The following ANO2 variants were observed in gnomAD, a reference collection of about 807,000 sequenced individuals.
ANO2 encodes the protein anoctamin 2.
ANO2 carries 101 observed loss-of-function variants against 124.2 expected under a neutral mutation model. That is an observed-to-expected ratio of 0.81 (90% CI 0.69 to 0.96). The LOEUF (loss-of-function observed/expected upper bound fraction) is 0.96, where lower values mean the gene tolerates loss of function less well. Ranked by LOEUF, ANO2 falls within the 40% of genes least tolerant of loss-of-function variation. The pLI is 0.00. For missense variants in ANO2, 1,293 were observed against 1,274.5 expected (o/e 1.01, Z -0.22); for synonymous variants, 486 against 482.5 (o/e 1.01, Z -0.09).
chr12:5,855,915 T>C (rs1323360667), intron 3 of ANO2, among the ~76,000 whole-genome samples: 1 of 152,186 alleles, frequency 6.6e-6, no homozygotes, highest in Non-Finnish European at 1.5e-5. Flanking sequence ...ATAAGGAACC[T>C]ATGTGGCAGC....
intron 1 of ANO2, among the ~76,000 whole-genome samples, chr12:5,934,567 C>T (rs76438432): frequency 0.026 from 3,906 of 152,264 alleles, 173 homozygotes; most frequent in African/African-American, 0.089. Flanking sequence ...ATGAAACCTA[C>T]TCATTGGCAG....
chr12:5,734,173 C>T (rs1477549778), intron 13 of ANO2, among the ~76,000 whole-genome samples: 1 of 152,224 alleles, frequency 6.6e-6, no homozygotes, highest in Non-Finnish European at 1.5e-5. Flanking sequence ...CTGAGAGTCA[C>T]AGTGAGCACA....
rs572022468 is a variant in ANO2 at position 5,807,464 on chromosome 12, C to A, written c.893-96G>T. 4 of 1,056,894 alleles carry A rather than the reference C, an allele frequency of 3.8e-6. No homozygotes were observed. In the East Asian group the frequency reaches 7.9e-5, roughly 21 times the overall value. 65.5% of individuals were successfully genotyped at this position (1,056,894 alleles called of 1,614,324 possible). ...ATAAATAAGCTTTCACATGCCCCCC[C>A]AGTTGAGAATCACTGCATCCTCCTC... On this transcript the variant is annotated intron_variant, in intron 7 of 24. Coordinates refer to ENST00000682330, the MANE Select transcript of ANO2 (RefSeq NM_001364791.2).
Position 5,732,597 on chromosome 12 carries a change from G to T in ANO2, c.1468C>A (p.Arg490=). Residue 490 remains arginine, a synonymous_variant, in exon 14 of 25, where the codon CGA becomes AGA. Coordinates refer to ENST00000682330, the MANE Select transcript of ANO2 (RefSeq NM_001364791.2). ...HSRPEYETKV[R]EKMLKESNQS... is the part of the protein sequence containing the mutation. ...TTGCTCTCCTTTAGCATTTTCTCTC[G>T]AACTTTGGTTTCATACTCAGGCCTG... 1 of 1,613,724 alleles carries T rather than the reference G, an allele frequency of 6.2e-7. No individual in the cohort carries two copies. The highest frequency in any genetic ancestry group is 1.1e-5 in the South Asian group (1 of 91,036).
intron 19 of ANO2, among the ~76,000 whole-genome samples, chr12:5,610,385 G>T (rs1944451645): frequency 1.3e-5 from 1 of 77,692 alleles, no homozygotes; most frequent in Admixed American, 1.7e-4. Flanking sequence ...ATATATAAAT[G>T]CATATATTTA....
At chr12:5,733,632 T>A (rs1950736395) in intron 13 of ANO2, among the ~76,000 whole-genome samples, 1 of 152,218 alleles carries the variant, frequency 6.6e-6, no homozygotes, top group Admixed American at 6.5e-5. Context: ...TTTTGACCTG[T>A]CTCTGGCTTT....
chr12:5,833,523 T>A (rs1414806547), intron 4 of ANO2, among the ~76,000 whole-genome samples: 1 of 152,162 alleles, frequency 6.6e-6, no homozygotes, highest in Non-Finnish European at 1.5e-5. Context: ...ACTATGCCAG[T>A]TCCATCCTTT....
chr12:5,933,200 A>G (rs1256731653), intron 1 of ANO2, among the ~76,000 whole-genome samples: 4 of 152,134 alleles, frequency 2.6e-5, no homozygotes, highest in Non-Finnish European at 4.4e-5. Flanking sequence ...TCCCACTGTC[A>G]TCTCCTGCTA....
chr12:5,602,611 G>A (rs151151428), intron 19 of ANO2, among the ~76,000 whole-genome samples: 2 of 152,124 alleles, frequency 1.3e-5, no homozygotes, highest in Admixed American at 6.5e-5. Context: ...GGAAGAAAGT[G>A]CAAAAGAAAT....
intron 1 of ANO2, among the ~76,000 whole-genome samples, chr12:5,926,232 C>T (rs1942072789): frequency 6.6e-6 from 1 of 152,186 alleles, no homozygotes. Context: ...GTCTGCCAAA[C>T]CCCTCTGTTC....
chr12:5,593,820 T>C (rs1943524722), intron 20 of ANO2, among the ~76,000 whole-genome samples: 1 of 152,192 alleles, frequency 6.6e-6, no homozygotes, highest in South Asian at 2.1e-4. Context: ...GTCATGTAGC[T>C]AGCATGCAGC....
rs549699432 is a variant in ANO2 at position 5,874,584 on chromosome 12, G to A, written c.535-20443C>T. Reference sequence around the variant, plus strand: ...TCTGCCTTTCTGTGCAGCTGCGAGCGTGCACCTCTGGGCTCTCAGCTCTCT... The same window carrying A: ...TCTGCCTTTCTGTGCAGCTGCGAGCATGCACCTCTGGGCTCTCAGCTCTCT... On this transcript the variant is annotated intron_variant, in intron 3 of 24. Transcript: ENST00000682330. 1.8e-3 allele frequency among the ~76,000 whole-genome samples: 267 copies of A among 152,268 alleles called. 3 individuals are homozygous for A. The highest frequency in any genetic ancestry group is 6.1e-3 in the African/African-American group (254 of 41,542).
At chr12:5,732,700 G>T in intron 13 of ANO2, 70 bp from the exon 14 acceptor site, 1 of 1,538,502 alleles carries the variant, frequency 6.5e-7, no homozygotes, top group South Asian at 1.1e-5. Flanking sequence ...GTTATAACCA[G>T]ACACATGTAC....
intron 10 of ANO2, among the ~76,000 whole-genome samples, chr12:5,752,647 T>A (rs1951472129): frequency 6.6e-6 from 1 of 151,874 alleles, no homozygotes; most frequent in Non-Finnish European, 1.5e-5. Context: ...GATATATGGT[T>A]TGCAAATATT....
In ANO2 at chr12:5,611,319, C is replaced by A. The variant is rs771641062; in HGVS notation, c.2087+1337G>T. Among the ~76,000 whole-genome samples, 19 of 152,250 alleles carry A rather than the reference C, an allele frequency of 1.2e-4. 1 individual carries two copies. The highest frequency in any genetic ancestry group is 4.1e-4 in the South Asian group (2 of 4,826). On this transcript the variant is annotated intron_variant, in intron 19 of 24. Coordinates refer to ENST00000682330, the MANE Select transcript of ANO2 (RefSeq NM_001364791.2). Reference sequence around the variant, plus strand: ...TCTTTGACTGCTCCCAAACTCCTGACCTTTACTTATTCTGAATTCTGAATT... The same window carrying A: ...TCTTTGACTGCTCCCAAACTCCTGAACTTTACTTATTCTGAATTCTGAATT...
At position 5,578,020 on chromosome 12, in the gene ANO2, A is replaced by G; in HGVS notation, c.2387-13T>C. On this transcript the variant is annotated splice_polypyrimidine_tract_variant and intron_variant, in intron 21 of 24. Coordinates refer to ENST00000682330, the MANE Select transcript of ANO2 (RefSeq NM_001364791.2). ...TCAAACCAGATTCCTACAAGACAGA[A>G]AAGACAGCGTCTGGCTCACTCCCGC... 1 of 1,613,552 alleles carries G rather than the reference A, an allele frequency of 6.2e-7. No homozygotes were observed. The highest frequency in any genetic ancestry group is 1.1e-5 in the South Asian group (1 of 91,018).
rs10625842 is a variant in ANO2, at chr12:5,923,089, C to CGCAT, written c.23-286_23-285insATGC. ...ACACACACATGCACACATACACACA[C>CGCAT]ACACGCACACACATACACACACATG... On this transcript the variant is annotated intron_variant, in intron 1 of 24. Coordinates refer to ENST00000682330, the MANE Select transcript of ANO2 (RefSeq NM_001364791.2). 8.6e-3 allele frequency among the ~76,000 whole-genome samples: 183 copies of CGCAT among 21,186 alleles called. 16 individuals are homozygous for CGCAT. Among genetic ancestry groups the CGCAT allele is most frequent in the East Asian group, 0.031 (1 of 32 alleles). 13.9% of individuals were successfully genotyped at this position (21,186 alleles called of 152,430 possible).
chr12:5,861,685 C>T (rs922342267), intron 3 of ANO2, among the ~76,000 whole-genome samples: 3 of 152,046 alleles, frequency 2.0e-5, no homozygotes, highest in African/African-American at 7.2e-5. Flanking sequence ...CCGGGAATGG[C>T]GCTGTAAGGA....
At chr12:5,753,072 T>C (rs1951485157) in intron 10 of ANO2, among the ~76,000 whole-genome samples, 1 of 152,138 alleles carries the variant, frequency 6.6e-6, no homozygotes, top group African/African-American at 2.4e-5. Context: ...AATTTAGAAG[T>C]TTATTTTGCT....
Sources: allele counts gnomAD v4.1 joint callset (sites outside exome capture counted in the v4.1 genomes callset), GRCh38; gene constraint gnomAD v4.1.1; transcripts MANE v1.5; gene names NCBI Gene and HGNC (gene_info 2026-07-23, HGNC 2026-07-21).